The following KCNK10 variants were observed in gnomAD, a reference collection of about 807,000 sequenced individuals.
KCNK10 encodes potassium two pore domain channel subfamily K member 10.
KCNK10 carries 25 observed loss-of-function variants against 47.7 expected under a neutral mutation model. That is an observed-to-expected ratio of 0.52 (90% CI 0.38 to 0.73). The LOEUF is 0.73. Ranked by LOEUF, KCNK10 falls within the 30% of genes least tolerant of loss-of-function variation. The probability of loss-of-function intolerance (pLI) is 0.00; values close to 1 mark genes in which losing one functional copy is unlikely to be tolerated. For synonymous variants in KCNK10, 303 were observed against 285.6 expected, an observed-to-expected ratio of 1.06 and a Z score of -0.61; for missense variants, 563 against 714.5, an observed-to-expected ratio of 0.79 and a Z score of 2.42.
chr14:88,258,592 T>A (rs1887025520), intron 2 of KCNK10, among the ~76,000 whole-genome samples: 1 of 152,176 alleles, frequency 6.6e-6, no homozygotes, highest in East Asian at 1.9e-4. Context: ...CCCGGCCGCG[T>A]CTTCTTCTTT....
rs1258799661 is a variant in KCNK10 at position 88,263,075 on chromosome 14, C to G, written c.402+127G>C. 12 of 724,074 alleles carry G rather than the reference C, an allele frequency of 1.7e-5. No homozygotes were observed. The Admixed American group carries it at 2.6e-4, about 16-fold the overall frequency. The allele number at this position is 724,074 out of a possible 1,614,324, so 44.9% of individuals were successfully genotyped here. On this transcript the variant is annotated intron_variant, in intron 2 of 6. Coordinates refer to ENST00000319231, the MANE Select transcript of KCNK10 (RefSeq NM_138317.3). The stretch of plus-strand genomic sequence containing the variant: ...AGGTCTCAGCTCACATGTCACCTCC[C>G]TGGAGAGAACTTCCCTGACCACCAA...
intron 5 of KCNK10, among the ~76,000 whole-genome samples, chr14:88,190,938 G>A (rs1884723116): frequency 6.6e-6 from 1 of 151,994 alleles, no homozygotes; most frequent in South Asian, 2.1e-4. Flanking sequence ...GACACTGCTG[G>A]GATCACACGC....
chr14:88,233,149 A>G (rs549262828), intron 3 of KCNK10, among the ~76,000 whole-genome samples: 23 of 152,332 alleles, frequency 1.5e-4, no homozygotes, highest in Middle Eastern at 3.4e-3. Context: ...GAAAGAAAAT[A>G]TATTGACCCC....
intron 1 of KCNK10, among the ~76,000 whole-genome samples, chr14:88,289,031 T>C (rs560539376): frequency 6.6e-6 from 1 of 152,320 alleles, no homozygotes; most frequent in East Asian, 1.9e-4. Flanking sequence ...CATTAGAATA[T>C]AAACTTCCCA....
chr14:88,270,177 C>T (rs1470034795), intron 1 of KCNK10, among the ~76,000 whole-genome samples: 2 of 152,124 alleles, frequency 1.3e-5, no homozygotes, highest in South Asian at 2.1e-4. Flanking sequence ...TCAGAGCTTC[C>T]AAAGAGTCCC....
intron 1 of KCNK10, among the ~76,000 whole-genome samples, chr14:88,305,091 CG>C (rs745380641): frequency 3.3e-5 from 5 of 151,808 alleles, no homozygotes; most frequent in African/African-American, 4.8e-5. Flanking sequence ...CCCAGCTACT[CG>C]GTAGGCTGAA....
chr14:88,192,163 A>C (rs924646403), intron 5 of KCNK10, 61 bp downstream of exon 5: 1 of 1,480,376 alleles, frequency 6.8e-7, no homozygotes, highest in Non-Finnish European at 9.2e-7. Flanking sequence ...TGCGAAAAGC[A>C]CAGCCAACAG....
At chr14:88,246,202 G>C (rs1333904810) in intron 2 of KCNK10, among the ~76,000 whole-genome samples, 1 of 151,186 alleles carries the variant, frequency 6.6e-6, no homozygotes, top group Non-Finnish European at 1.5e-5. Flanking sequence ...GGCTGAGCTT[G>C]CGGTGAGCCC....
At chr14:88,238,271 C>T (rs564404269) in intron 3 of KCNK10, among the ~76,000 whole-genome samples, 252 of 152,340 alleles carry the variant, frequency 1.7e-3, no homozygotes, top group African/African-American at 5.8e-3. Flanking sequence ...CTGGTTTGAT[C>T]TTCTATCCAG....
chr14:88,309,636 A>T (rs553082083), intron 1 of KCNK10, among the ~76,000 whole-genome samples: 1 of 152,130 alleles, frequency 6.6e-6, no homozygotes, highest in Non-Finnish European at 1.5e-5. Flanking sequence ...AAATTAATAA[A>T]AGGCCCCAAC....
chr14:88,324,124 G>T (rs1253047564), upstream of KCNK10, among the ~76,000 whole-genome samples: 5 of 152,218 alleles, frequency 3.3e-5, no homozygotes. Context: ...GCCAAGACCC[G>T]GCAGCTCCCG....
At chr14:88,255,930 A>G (rs1320381231) in intron 2 of KCNK10, among the ~76,000 whole-genome samples, 3 of 152,244 alleles carry the variant, frequency 2.0e-5, no homozygotes, top group Non-Finnish European at 4.4e-5. Context: ...TAGAGGATTC[A>G]AGCACTTAGA....
At chr14:88,226,668 C>T (rs1291061916) in intron 4 of KCNK10, among the ~76,000 whole-genome samples, 1 of 152,162 alleles carries the variant, frequency 6.6e-6, no homozygotes, top group Non-Finnish European at 1.5e-5. Flanking sequence ...ATCACTCAGC[C>T]ACTCATGCCT....
At chr14:88,325,953 G>A (rs899026496), upstream of KCNK10, among the ~76,000 whole-genome samples, 9 of 147,882 alleles carry the variant, frequency 6.1e-5, no homozygotes, top group Admixed American at 5.4e-4. Context: ...GAGGGTTGGG[G>A]ATGGGGAGGT....
At chr14:88,286,666 A>G (rs1341525534) in intron 1 of KCNK10, among the ~76,000 whole-genome samples, 3 of 152,358 alleles carry the variant, frequency 2.0e-5, no homozygotes, top group Admixed American at 6.5e-5. Flanking sequence ...TTATGGCAGA[A>G]GGTGAAAGGC....
chr14:88,310,881 G>A (rs910274418), intron 1 of KCNK10, among the ~76,000 whole-genome samples: 5 of 152,272 alleles, frequency 3.3e-5, no homozygotes, highest in Admixed American at 6.5e-5. Context: ...TCCAAAAGGC[G>A]TCTGAAGTAT....
At chr14:88,268,122 A>AAAGG (rs1216127228) in intron 1 of KCNK10, among the ~76,000 whole-genome samples, 1 of 152,172 alleles carries the variant, frequency 6.6e-6, no homozygotes, top group African/African-American at 2.4e-5. Flanking sequence ...GACCCCTGGA[A>AAAGG]AAGGAAGGAA....
Position 88,319,744 on chromosome 14 carries a change from T to C in KCNK10, c.52+3003A>G, listed in dbSNP as rs541484747. ...ACAAGCTTCTCCACTTCCTGAGCTT[T>C]GGGAACCTTACCAGGCAAAAGCCAA... is the stretch of plus-strand genomic sequence containing the variant. On this transcript the variant is annotated intron_variant, in intron 1 of 6. Transcript: ENST00000319231. 3.9e-5 allele frequency among the ~76,000 whole-genome samples: 6 copies of C among 152,226 alleles called. No homozygotes were observed. The South Asian group carries it at 1.2e-3, about 32-fold the overall frequency.
chr14:88,235,443 A>T (rs4904436), intron 3 of KCNK10: 69,056 of 306,266 alleles, frequency 0.23, 9,293 homozygotes, highest in Non-Finnish European at 0.3. Flanking sequence ...TGAAATAATC[A>T]TCTCTAAGAA....
Sources: gnomAD v4.1 joint callset for allele counts (sites outside exome capture counted in the v4.1 genomes callset) on GRCh38, gnomAD v4.1.1 for gene constraint, MANE v1.5 for transcripts, NCBI Gene and HGNC (gene_info 2026-07-23, HGNC 2026-07-21) for gene names.